The following KCNIP1 variants were observed in gnomAD, a reference collection of about 807,000 sequenced individuals.
The protein encoded by KCNIP1 is A-type potassium channel modulatory protein KCNIP1.
In KCNIP1, 18 loss-of-function variants were observed where a neutral mutation model predicts 33.0. The ratio of observed to expected loss-of-function variants is 0.55; its 90% CI spans 0.38 to 0.81. The LOEUF (loss-of-function observed/expected upper bound fraction) is 0.81. Among genes scored for constraint, KCNIP1 ranks in the 30% least tolerant of loss-of-function variants. KCNIP1 has a pLI of 0.00. For missense variants in KCNIP1, 238 were observed against 271.6 expected, an observed-to-expected ratio of 0.88 and a Z score of 0.87; for synonymous variants, 93 against 98.3, an observed-to-expected ratio of 0.95 and a Z score of 0.32.
Position 170,595,241 on chromosome 5 carries a change from G to A in KCNIP1, c.61+90608G>A, listed in dbSNP as rs147889809. Among the ~76,000 whole-genome samples, 4 of 152,350 alleles carry A rather than the reference G, an allele frequency of 2.6e-5. No individual in the cohort carries two copies. The East Asian group carries it at 7.7e-4, about 29-fold the overall frequency. On this transcript the variant is annotated intron_variant, in intron 1 of 7. Transcript: ENST00000328939. ...TGGAGGGCAGCGGTACCAGTGAAGG[G>A]GAAGCAGTGATAAAACCCATTTGAG...
At chr5:170,513,174 T>C (rs1357150058) in intron 1 of KCNIP1, among the ~76,000 whole-genome samples, 1 of 152,206 alleles carries the variant, frequency 6.6e-6, no homozygotes, top group Non-Finnish European at 1.5e-5. Context: ...GTACAGATTA[T>C]GGAACTATGT....
chr5:170,354,006 G>A, intron 1 of KCNIP1: 2 of 1,570,838 alleles, frequency 1.3e-6, no homozygotes, highest in South Asian at 1.1e-5. Context: ...GTCTTGATAT[G>A]GCCTGGCTGG....
intron 1 of KCNIP1, chr5:170,384,002 G>T: frequency 4.1e-6 from 3 of 725,736 alleles, no homozygotes; most frequent in Middle Eastern, 3.6e-4. Context: ...AAAGGCACAT[G>T]ACCCCACAGT....
chr5:170,692,120 C>T (rs1762743068), intron 1 of KCNIP1, among the ~76,000 whole-genome samples: 1 of 152,196 alleles, frequency 6.6e-6, no homozygotes, highest in South Asian at 2.1e-4. Flanking sequence ...GAGCCCCAGA[C>T]ATGCAACACA....
At chr5:170,368,489 T>C (rs1289413722) in intron 1 of KCNIP1, among the ~76,000 whole-genome samples, 1 of 152,238 alleles carries the variant, frequency 6.6e-6, no homozygotes, top group East Asian at 1.9e-4. Context: ...GGTCTCCATC[T>C]CCTGACCTTG....
intron 1 of KCNIP1, among the ~76,000 whole-genome samples, chr5:170,690,417 T>C (rs931142945): frequency 6.6e-6 from 1 of 152,194 alleles, no homozygotes; most frequent in Non-Finnish European, 1.5e-5. Context: ...GGCCTAGAGT[T>C]CTCCTGATAT....
chr5:170,488,898 C>T (rs1757149673), intron 1 of KCNIP1, among the ~76,000 whole-genome samples: 1 of 152,134 alleles, frequency 6.6e-6, no homozygotes, highest in Non-Finnish European at 1.5e-5. Context: ...CTGGAGAGGA[C>T]TTTTTAAGAT....
At chr5:170,586,555 C>CG (rs1757997362) in intron 1 of KCNIP1, among the ~76,000 whole-genome samples, 1 of 152,224 alleles carries the variant, frequency 6.6e-6, no homozygotes, top group Non-Finnish European at 1.5e-5. Flanking sequence ...GGGTCCATGC[C>CG]ACATTGTTCT....
intron 1 of KCNIP1, among the ~76,000 whole-genome samples, chr5:170,462,264 C>CAAAAAAAAAAAAAAAAAAAAAAAAA (rs760686464): frequency 1.3e-4 from 7 of 52,030 alleles, no homozygotes; most frequent in African/African-American, 2.3e-4. Context: ...AACAAATTAG[C>CAAAAAAAAAAAAAAAAAAAAAAAAA]AAAAAAAAAA....
At chr5:170,635,653 C>T (rs995112079) in intron 1 of KCNIP1, among the ~76,000 whole-genome samples, 1 of 152,228 alleles carries the variant, frequency 6.6e-6, no homozygotes, top group African/African-American at 2.4e-5. Context: ...CTGTAAGGGA[C>T]AAGGGGGCAG....
chr5:170,730,560 A>G (rs1476516069), intron 5 of KCNIP1, among the ~76,000 whole-genome samples: 1 of 152,206 alleles, frequency 6.6e-6, no homozygotes. Context: ...CAGGAAAAGC[A>G]TCAATGGCCA....
rs1483997831 is a variant in KCNIP1 at position 170,721,911 on chromosome 5, C to T, written c.327+8C>T. The stretch of plus-strand genomic sequence containing the variant: ...GGCTCCGTGAAGTTCGAGGTACGCT[C>T]ATCTGGGGTCCACTCTAGGGGTCCT... On this transcript the variant is annotated splice_region_variant and intron_variant, in intron 4 of 7. Coordinates refer to ENST00000328939, the MANE Select transcript of KCNIP1 (RefSeq NM_014592.4). 20 of 1,614,128 alleles carry T rather than the reference C, an allele frequency of 1.2e-5. No individual in the cohort carries two copies. The highest frequency in any genetic ancestry group is 1.5e-5 in the Non-Finnish European group (18 of 1,180,012).
At chr5:170,579,852 G>C (rs1406512406) in intron 1 of KCNIP1, among the ~76,000 whole-genome samples, 2 of 152,094 alleles carry the variant, frequency 1.3e-5, no homozygotes, top group African/African-American at 4.8e-5. Context: ...AGCCCTGCAT[G>C]CATCTTCTCT....
intron 1 of KCNIP1, chr5:170,383,215 G>A: frequency 3.7e-6 from 1 of 271,460 alleles, no homozygotes; most frequent in Admixed American, 4.9e-5. Context: ...TGAGTCCCTG[G>A]TTTCCTGGGG....
chr5:170,519,140 A>G (rs922024483), intron 1 of KCNIP1, among the ~76,000 whole-genome samples: 6 of 152,204 alleles, frequency 3.9e-5, no homozygotes, highest in African/African-American at 1.4e-4. Context: ...GGCTCCGCTA[A>G]TGGCAGCAGC....
chr5:170,660,952 T>C (rs1761459320), intron 1 of KCNIP1, among the ~76,000 whole-genome samples: 1 of 152,228 alleles, frequency 6.6e-6, no homozygotes, highest in Non-Finnish European at 1.5e-5. Context: ...CAATGGGGCC[T>C]GCAGAGGATT....
intron 1 of KCNIP1, among the ~76,000 whole-genome samples, chr5:170,581,145 T>C (rs1039872639): frequency 9.8e-5 from 15 of 152,296 alleles, no homozygotes; most frequent in African/African-American, 3.6e-4. Flanking sequence ...AGCCATAGGA[T>C]CACTTCACGT....
At chr5:170,574,021 G>C (rs955235423) in intron 1 of KCNIP1, among the ~76,000 whole-genome samples, 8 of 152,226 alleles carry the variant, frequency 5.3e-5, no homozygotes, top group African/African-American at 1.9e-4. Flanking sequence ...AGGGACCCAA[G>C]TGGGACCCCC....
At chr5:170,644,089 T>C (rs769701156) in intron 1 of KCNIP1, among the ~76,000 whole-genome samples, 4 of 152,194 alleles carry the variant, frequency 2.6e-5, no homozygotes, top group Non-Finnish European at 4.4e-5. Flanking sequence ...TCAGTAAGTC[T>C]GCCAGCAGAG....
Sources: gnomAD v4.1 joint callset for allele counts (sites outside exome capture counted in the v4.1 genomes callset) on GRCh38, gnomAD v4.1.1 for gene constraint, MANE v1.5 for transcripts, NCBI Gene and HGNC (gene_info 2026-07-23, HGNC 2026-07-21) for gene names.